The following TUBGCP3 variants were observed in gnomAD, a reference collection of about 807,000 sequenced individuals.
TUBGCP3 encodes the protein gamma-tubulin complex component 3.
TUBGCP3 carries 50 observed loss-of-function variants against 123.1 expected under a neutral mutation model. That is an observed-to-expected ratio of 0.41 (90% CI 0.32 to 0.51). The LOEUF (loss-of-function observed/expected upper bound fraction) is 0.51. TUBGCP3 is among the 20% of genes least tolerant of loss of function. The pLI is 0.36. For synonymous variants in TUBGCP3, 405 were observed against 413.9 expected, an observed-to-expected ratio of 0.98 and a Z score of 0.26; for missense variants, 882 against 1,127.0, an observed-to-expected ratio of 0.78 and a Z score of 3.11.
Position 112,545,628 on chromosome 13 carries a change from A to G in TUBGCP3, c.1335+71T>C, listed in dbSNP as rs1183753738. 7 of 1,561,174 alleles carry G rather than the reference A, an allele frequency of 4.5e-6. No individual in the cohort carries two copies. In the East Asian group the frequency reaches 1.6e-4, roughly 35 times the overall value. Reference sequence around the variant, plus strand: ...GGAGAACATGGTAATCATGAGGGGAAAAATGAAACAGCATAACTGCGTGCC... The same window carrying G: ...GGAGAACATGGTAATCATGAGGGGAGAAATGAAACAGCATAACTGCGTGCC... On this transcript the variant is annotated intron_variant, in intron 11 of 21. Transcript: ENST00000261965. This position sits in a 1 kb window ranked among gnomAD's most constrained non-coding sequence, Gnocchi z 4.1.
intron 12 of TUBGCP3, 89 bp from the exon 13 acceptor site, chr13:112,527,139 A>T: frequency 3.4e-6 from 4 of 1,179,008 alleles, no homozygotes; most frequent in Non-Finnish European, 4.9e-6. Context: ...CAAATTGGCT[A>T]TTGATTGAAA....
chr13:112,507,202 C>T (rs929449850), intron 17 of TUBGCP3, among the ~76,000 whole-genome samples: 1 of 152,196 alleles, frequency 6.6e-6, no homozygotes, highest in Non-Finnish European at 1.5e-5. Context: ...ACAAATTCTA[C>T]AAGTCACATG....
intron 8 of TUBGCP3, among the ~76,000 whole-genome samples, chr13:112,548,554 C>A (rs1879266623): frequency 6.6e-6 from 1 of 152,192 alleles, no homozygotes; most frequent in African/African-American, 2.4e-5. Flanking sequence ...AGGTAACCTG[C>A]AGAATGGGAG....
the TUBGCP3 span, chr13:112,605,280 GC>G: frequency 6.7e-6 from 1 of 148,374 alleles, no homozygotes; most frequent in Non-Finnish European, 1.5e-5. Context: ...CTGCACTCCA[GC>G]CTGGGTGACA....
chr13:112,547,842 A>G (rs1397449044), intron 9 of TUBGCP3, 90 bp from the exon 10 acceptor site: 26 of 1,322,414 alleles, frequency 2.0e-5, no homozygotes, highest in African/African-American at 2.9e-5. Flanking sequence ...TAAGAAAATG[A>G]TTATACTCAT....
intron 16 of TUBGCP3, among the ~76,000 whole-genome samples, chr13:112,518,672 T>C (rs1876361571): frequency 6.6e-6 from 1 of 152,238 alleles, no homozygotes; most frequent in Non-Finnish European, 1.5e-5. Context: ...CCTTAACTAG[T>C]TGCCACAGTA....
chr13:112,536,721 GT>G (rs1878085762), intron 11 of TUBGCP3, among the ~76,000 whole-genome samples: 1 of 152,098 alleles, frequency 6.6e-6, no homozygotes, highest in Non-Finnish European at 1.5e-5. Flanking sequence ...TTATTATAAA[GT>G]ATGTGTGGAT....
intron 1 of TUBGCP3, among the ~76,000 whole-genome samples, chr13:112,570,500 G>GA (rs1881314511): frequency 6.6e-6 from 1 of 150,752 alleles, no homozygotes; most frequent in Admixed American, 6.6e-5. Flanking sequence ...TGTCTAAAAA[G>GA]AAAAAAACAT....
chr13:112,523,871 A>T (rs919742987), intron 13 of TUBGCP3, among the ~76,000 whole-genome samples: 1 of 152,218 alleles, frequency 6.6e-6, no homozygotes, highest in Admixed American at 6.5e-5. Flanking sequence ...TGAATTTGAC[A>T]TGTTCTCCTG....
At chr13:112,568,791 C>T (rs1029766666) in intron 2 of TUBGCP3, among the ~76,000 whole-genome samples, 3 of 152,174 alleles carry the variant, frequency 2.0e-5, no homozygotes, top group Non-Finnish European at 2.9e-5. Flanking sequence ...TCATGTGTGG[C>T]GGCTCATTAC....
chr13:112,580,616 T>A (rs1037471522), intron 1 of TUBGCP3, among the ~76,000 whole-genome samples: 2 of 152,170 alleles, frequency 1.3e-5, no homozygotes, highest in Non-Finnish European at 2.9e-5. Flanking sequence ...TTTCAGAACA[T>A]GCAGGATTTT....
At chr13:112,503,999 G>T in intron 19 of TUBGCP3, 33 bp downstream of exon 19, 1 of 1,561,358 alleles carries the variant, frequency 6.4e-7, no homozygotes, top group Non-Finnish European at 8.7e-7. Flanking sequence ...TGATTCTTTT[G>T]GTTTCTTGTT....
At chr13:112,592,994 C>T (rs1365035493), upstream of TUBGCP3, among the ~76,000 whole-genome samples, 3 of 152,186 alleles carry the variant, frequency 2.0e-5, no homozygotes, top group African/African-American at 7.2e-5. The surrounding 1 kb of genome is among the most constrained non-coding windows in gnomAD (Gnocchi z 4.1). Context: ...AAAATATTGA[C>T]GGGATGCTGC....
intron 1 of TUBGCP3, chr13:112,584,285 C>A (rs1174879120): frequency 6.6e-6 from 1 of 152,216 alleles, no homozygotes; most frequent in East Asian, 1.9e-4. Context: ...TATCTATCCA[C>A]AGTTACCATA....
the TUBGCP3 span, chr13:112,604,802 T>C: frequency 6.6e-6 from 1 of 152,192 alleles, no homozygotes; most frequent in African/African-American, 2.4e-5. Flanking sequence ...CATGATATTT[T>C]ATAACCTCCC....
At chr13:112,496,371 C>T (rs1192444092) in intron 20 of TUBGCP3, among the ~76,000 whole-genome samples, 2 of 152,210 alleles carry the variant, frequency 1.3e-5, no homozygotes, top group Admixed American at 6.5e-5. Flanking sequence ...AGCAGGCGGG[C>T]GCCGCTTCGG....
chr13:112,563,543 T>A (rs1880686369), intron 3 of TUBGCP3, among the ~76,000 whole-genome samples: 1 of 151,896 alleles, frequency 6.6e-6, no homozygotes, highest in Admixed American at 6.6e-5. Context: ...AACAAAATTT[T>A]GGAAAACAAC....
At chr13:112,555,432 C>T (rs769211550) in intron 6 of TUBGCP3, among the ~76,000 whole-genome samples, 29 of 152,170 alleles carry the variant, frequency 1.9e-4, no homozygotes, top group African/African-American at 6.5e-4. Context: ...CAGCAGATTA[C>T]GAGCCAACAG....
intron 11 of TUBGCP3, among the ~76,000 whole-genome samples, chr13:112,533,658 G>A (rs1196349475): frequency 2.6e-5 from 4 of 151,564 alleles, no homozygotes; most frequent in Non-Finnish European, 1.5e-5. Context: ...GCTGTTGCAG[G>A]TGCTTTGAAA....
Sources: allele counts gnomAD v4.1 joint callset (sites outside exome capture counted in the v4.1 genomes callset), GRCh38; gene constraint gnomAD v4.1.1; non-coding constraint Gnocchi (gnomAD v3.1); transcripts MANE v1.5; gene names NCBI Gene and HGNC (gene_info 2026-07-23, HGNC 2026-07-21).